MSH3: variants seen among roughly 807,000 people sequenced by gnomAD.
MSH3 encodes mutS homolog 3, also known as DNA mismatch repair protein Msh3.
A neutral mutation model predicts 123.3 loss-of-function variants in MSH3; 106 were observed. The ratio of observed to expected loss-of-function variants is 0.86; its 90% CI spans 0.73 to 1.01. MSH3 has a LOEUF of 1.01. Among genes scored for constraint, MSH3 ranks in the 50% least tolerant of loss-of-function variants. The pLI is 0.00. For synonymous variants in MSH3, 515 were observed against 481.4 expected (o/e 1.07, Z -0.91); for missense variants, 1,459 against 1,347.6 (o/e 1.08, Z -1.29).
intron 21 of MSH3, among the ~76,000 whole-genome samples, chr5:80,860,587 T>A (rs1271445790): frequency 6.6e-6 from 1 of 151,094 alleles, no homozygotes; most frequent in East Asian, 1.9e-4. Flanking sequence ...ACTTCAGTAT[T>A]TTTTTTTTCT....
At chr5:80,711,658 T>C (rs888031376) in intron 8 of MSH3, among the ~76,000 whole-genome samples, 7 of 152,100 alleles carry the variant, frequency 4.6e-5, no homozygotes, top group Admixed American at 3.9e-4. Flanking sequence ...TTTTCTTCTT[T>C]TTTTTCTTTT....
intron 2 of MSH3, 50 bp from the exon 3 acceptor site, chr5:80,665,093 A>C: frequency 6.8e-7 from 1 of 1,469,042 alleles, no homozygotes; most frequent in Non-Finnish European, 9.5e-7. Context: ...AATTGACATA[A>C]TGAGACCAAA....
chr5:80,869,532 G>T (rs750963383), intron 22 of MSH3, among the ~76,000 whole-genome samples: 1 of 151,924 alleles, frequency 6.6e-6, no homozygotes, highest in Non-Finnish European at 1.5e-5. Context: ...CATAATTACA[G>T]AAAGAGATCC....
At chr5:80,750,436 G>A (rs1194591238) in intron 12 of MSH3, among the ~76,000 whole-genome samples, 2 of 152,070 alleles carry the variant, frequency 1.3e-5, no homozygotes, top group Non-Finnish European at 2.9e-5. Context: ...TCTGAAAGGA[G>A]TGAGGTGACC....
At chr5:80,843,999 G>T (rs1003455383) in intron 20 of MSH3, among the ~76,000 whole-genome samples, 2 of 151,430 alleles carry the variant, frequency 1.3e-5, no homozygotes, top group Non-Finnish European at 2.9e-5. Context: ...TTAAGGTGTC[G>T]ATTTTAGATC....
chr5:80,831,761 AAGTG>A (rs759895305), intron 20 of MSH3, among the ~76,000 whole-genome samples: 6 of 151,952 alleles, frequency 3.9e-5, no homozygotes, highest in Non-Finnish European at 7.4e-5. Context: ...TAGCAACCTG[AAGTG>A]AATGGGAACA....
At chr5:80,773,317 A>G (rs940720466) in intron 15 of MSH3, among the ~76,000 whole-genome samples, 1 of 152,220 alleles carries the variant, frequency 6.6e-6, no homozygotes, top group Non-Finnish European at 1.5e-5. Flanking sequence ...AAGTGATTTT[A>G]TCTTTCCCAT....
intron 8 of MSH3, among the ~76,000 whole-genome samples, chr5:80,709,210 T>G (rs1284677973): frequency 5.7e-5 from 1 of 17,472 alleles, no homozygotes; most frequent in Non-Finnish European, 1.1e-4. Flanking sequence ...AAAATAGATA[T>G]GTGTGTGTGT....
At chr5:80,753,775 AG>A (rs1473570431) in intron 12 of MSH3, among the ~76,000 whole-genome samples, 1 of 152,088 alleles carries the variant, frequency 6.6e-6, no homozygotes, top group Admixed American at 6.6e-5. Flanking sequence ...GGAACCCCAG[AG>A]GCTCTTCAGT....
intron 10 of MSH3, among the ~76,000 whole-genome samples, chr5:80,737,134 A>G (rs1743525046): frequency 6.6e-6 from 1 of 152,208 alleles, no homozygotes; most frequent in South Asian, 2.1e-4. Context: ...GAAGTTTTGT[A>G]ATATAGTACA....
At chr5:80,662,735 G>A (rs908738903) in intron 2 of MSH3, among the ~76,000 whole-genome samples, 4 of 151,906 alleles carry the variant, frequency 2.6e-5, no homozygotes, top group Non-Finnish European at 5.9e-5. Context: ...GCTGAAGTAG[G>A]AGAATTACTT....
intron 2 of MSH3, among the ~76,000 whole-genome samples, chr5:80,661,991 T>C (rs904606611): frequency 6.6e-5 from 10 of 152,180 alleles, no homozygotes; most frequent in African/African-American, 1.9e-4. Flanking sequence ...ATTTCCACAA[T>C]ACAGAGACAG....
rs768508155 is a variant in MSH3, at chr5:80,773,974, G to A, written c.2254-1720G>A. On this transcript the variant is annotated intron_variant, in intron 15 of 23. Transcript: ENST00000265081. ...GTAGAGATGGGGTTTCACCATGTTG[G>A]CCAGGCTGGTCTTAAACTCCTGACC... Among the ~76,000 whole-genome samples, 398 of 152,114 alleles carry A rather than the reference G, an allele frequency of 2.6e-3. 1 individual carries two copies. The highest frequency in any genetic ancestry group is 1.4e-3 in the Non-Finnish European group (94 of 67,980).
chr5:80,740,360 CTT>C (rs747484860), intron 10 of MSH3, among the ~76,000 whole-genome samples: 23 of 142,076 alleles, frequency 1.6e-4, no homozygotes, highest in Non-Finnish European at 1.8e-4. Flanking sequence ...TTTCTTTTCT[CTT>C]TTTTTTTTTT....
intron 13 of MSH3, among the ~76,000 whole-genome samples, chr5:80,763,704 A>G (rs1232324218): frequency 6.6e-6 from 1 of 152,220 alleles, no homozygotes; most frequent in Non-Finnish European, 1.5e-5. Flanking sequence ...TGTCCATGGC[A>G]TCAAGATGGC....
intron 8 of MSH3, among the ~76,000 whole-genome samples, chr5:80,704,825 A>T (rs935479485): frequency 3.3e-5 from 5 of 152,218 alleles, no homozygotes; most frequent in African/African-American, 1.2e-4. Flanking sequence ...CAGGAGCATG[A>T]TACCTTTCCT....
intron 8 of MSH3, among the ~76,000 whole-genome samples, chr5:80,687,728 T>C (rs757956511): frequency 7.9e-5 from 12 of 152,186 alleles, no homozygotes; most frequent in African/African-American, 1.2e-4. Flanking sequence ...GGTGAAGGCC[T>C]ATGAAATCCA....
chr5:80,866,703 A>G (rs184422923), intron 22 of MSH3, among the ~76,000 whole-genome samples: 1 of 152,254 alleles, frequency 6.6e-6, no homozygotes, highest in Admixed American at 6.5e-5. Context: ...TCCTTCCAGT[A>G]TAGTCATTTC....
At position 80,665,281 on chromosome 5, in the gene MSH3, G is replaced by A. The variant is rs1296069751; in HGVS notation, c.497G>A (p.Cys166Tyr). ...LQERFAVLPK[C>Y]TDFDDISLLH... ...GAGAGATTTGCAGTTCTGCCAAAAT[G>A]TACTGATTTTGATGATATCAGTCTT... is the stretch of plus-strand genomic sequence containing the variant. Residue 166 changes from cysteine to tyrosine, a missense_variant, in exon 3 of 24, where the codon TGT becomes TAT. Transcript: ENST00000265081. 1 of 1,613,902 alleles carries A rather than the reference G, an allele frequency of 6.2e-7. No homozygotes were observed. Among genetic ancestry groups the A allele is most frequent in the South Asian group, 1.1e-5 (1 of 91,072 alleles).
Sources: gnomAD v4.1 joint callset for allele counts (sites outside exome capture counted in the v4.1 genomes callset) on GRCh38, gnomAD v4.1.1 for gene constraint, MANE v1.5 for transcripts, NCBI Gene and HGNC (gene_info 2026-07-23, HGNC 2026-07-21) for gene names.